CEP250: variants seen among roughly 807,000 people sequenced by gnomAD.
CEP250 encodes the protein centrosomal protein 250.
A neutral mutation model predicts 315.7 loss-of-function variants in CEP250; 242 were observed. That is an observed-to-expected ratio of 0.77 (90% CI 0.69 to 0.85). CEP250 has a LOEUF of 0.85. Ranked by LOEUF, CEP250 falls within the 40% of genes least tolerant of loss-of-function variation. The pLI is 0.00. For synonymous variants in CEP250, 1,088 were observed against 1,175.0 expected (o/e 0.93, Z 1.51); for missense variants, 2,515 against 2,886.4 (o/e 0.87, Z 2.95).
At position 35,516,487 on chromosome 20, in the gene CEP250, T is replaced by C. The variant is rs1255106380; in HGVS notation, c.*4861T>C. 6.6e-6 allele frequency: 1 copy of C among 152,276 alleles called. No individual in the cohort carries two copies. The highest frequency in any genetic ancestry group is 2.4e-5 in the African/African-American group (1 of 41,464). 9.4% of individuals were successfully genotyped at this position (152,276 alleles called of 1,614,324 possible). On this transcript the variant is annotated 3_prime_UTR_variant, in exon 35 of 35. Transcript: ENST00000397527. ...TTGTATGTGGTTTGATGATTCATGC[T>C]GGAGCCTTTGGCTATAACTCTCTTC...
intron 20 of CEP250, among the ~76,000 whole-genome samples, chr20:35,484,618 T>C (rs2063452935): frequency 6.6e-6 from 1 of 152,086 alleles, no homozygotes; most frequent in Admixed American, 6.6e-5. Context: ...ATAGGCATTT[T>C]TTTTTTTCTT....
chr20:35,491,227 G>T lies in CEP250; in HGVS notation c.2770G>T (p.Glu924Ter). 6.2e-7 allele frequency: 1 copy of T among 1,611,488 alleles called. No homozygotes were observed. The highest frequency in any genetic ancestry group is 1.1e-5 in the South Asian group (1 of 90,454). The change falls in exon 22 of 35, where the codon GAG becomes TAG. Residue 924 changes from glutamate (E) to a stop codon, truncating the protein, a stop_gained. Transcript: ENST00000397527. LOFTEE classifies it high-confidence loss of function. The part of the protein sequence containing the change: ...SALCQMQLET[E>*]KERVSLLETL... ...CCCTCCACAGATGCAGCTGGAAACAGAGAAGGAGAGAGTATCCCTCCTGGA... is the reference window on the plus strand; with the variant it reads ...CCCTCCACAGATGCAGCTGGAAACATAGAAGGAGAGAGTATCCCTCCTGGA...
chr20:35,510,497 GA>G (rs1213596154), intron 34 of CEP250, among the ~76,000 whole-genome samples: 2 of 152,216 alleles, frequency 1.3e-5, no homozygotes, highest in African/African-American at 2.4e-5. Flanking sequence ...CACTCGCAGA[GA>G]AGTGACTTGA....
At chr20:35,473,606 A>C (rs1601159738) in intron 13 of CEP250, 54 bp downstream of exon 13, 1 of 1,510,354 alleles carries the variant, frequency 6.6e-7, no homozygotes. Context: ...AGTCTCAGTC[A>C]CCATCCAGCC....
rs980731324 is a variant in CEP250 at position 35,467,455 on chromosome 20, G to C, written c.751G>C (p.Ala251Pro). The change falls in exon 9 of 35, where the codon GCC (alanine) becomes CCC (proline). Residue 251 changes from alanine to proline, a missense_variant. Physicochemically the swap from Ala to Pro is conservative, Grantham distance 27. Coordinates refer to ENST00000397527, the MANE Select transcript of CEP250 (RefSeq NM_007186.6). ...REPAQLLLLL[A>P]KTQELEKEAH... ...GCCGGCCCAGCTGCTGCTGCTACTA[G>C]CCAAGACCCAGGAGCTGGAGAAGGA... The C allele has an allele frequency of 7.4e-6, 12 of 1,614,046 alleles. No individual in the cohort carries two copies. The highest frequency in any genetic ancestry group is 2.7e-5 in the African/African-American group (2 of 74,908).
At position 35,512,051 on chromosome 20, in the gene CEP250, A is replaced by G. The variant is rs1568853225; in HGVS notation, c.*425A>G. 1 of 1,021,800 alleles carries G rather than the reference A, an allele frequency of 9.8e-7. No individual in the cohort carries two copies. Among genetic ancestry groups the G allele is most frequent in the Non-Finnish European group, 1.2e-6 (1 of 853,188 alleles). 63.3% of individuals were successfully genotyped at this position (1,021,800 alleles called of 1,614,324 possible). On this transcript the variant is annotated 3_prime_UTR_variant, in exon 35 of 35. Transcript: ENST00000397527. ...GGAGTTTATCTGGGAAGAACTTGCC[A>G]AAGATTCCTGTTGAGGTAGCATGCA...
chr20:35,496,825 T>C, intron 25 of CEP250, 110 bp downstream of exon 25: 1 of 1,237,524 alleles, frequency 8.1e-7, no homozygotes, highest in African/African-American at 1.5e-5. Flanking sequence ...CTATTTTTCC[T>C]GATTACAGGA....
chr20:35,466,017 CT>C (rs1367051353), intron 6 of CEP250, 21 bp from the exon 7 acceptor site: 10 of 1,613,708 alleles, frequency 6.2e-6, no homozygotes, highest in Non-Finnish European at 8.5e-6. Context: ...TTTGCACCCA[CT>C]TTTACCCCTC....
In CEP250 at chr20:35,496,497, A is replaced by G; in HGVS notation, c.3168-80A>G. 4 of 1,155,162 alleles carry G rather than the reference A, an allele frequency of 3.5e-6. No homozygotes were observed. In the South Asian group the frequency reaches 6.4e-5, roughly 18 times the overall value. The allele number at this position is 1,155,162 out of a possible 1,614,324, so 71.6% of individuals were successfully genotyped here. A position where few individuals can be genotyped will look rare whatever the true frequency, so the allele number is the denominator to read the frequency against. On this transcript the variant is annotated intron_variant, in intron 24 of 34. Coordinates refer to ENST00000397527, the MANE Select transcript of CEP250 (RefSeq NM_007186.6). ...TATTTCTATTTTGATTATTAATGCT[A>G]TGTTTAGAATACTCAGATGAGAAGG...
chr20:35,465,861 G>A (rs775859480), intron 6 of CEP250, 36 bp downstream of exon 6: 6 of 1,574,192 alleles, frequency 3.8e-6, no homozygotes, highest in South Asian at 1.2e-5. Context: ...TGGGTGATTG[G>A]CCAGTTGGTG....
intron 23 of CEP250, among the ~76,000 whole-genome samples, chr20:35,493,894 A>G (rs1417727341): frequency 6.6e-6 from 1 of 152,210 alleles, no homozygotes. Context: ...TCAGAATCCT[A>G]TATCAAATGA....
chr20:35,507,887 C>T (rs1417995976), intron 31 of CEP250, 36 bp downstream of exon 31: 1 of 1,601,010 alleles, frequency 6.2e-7, no homozygotes, highest in East Asian at 2.2e-5. Context: ...GGTGACCCAG[C>T]AGGGAGCTCC....
At position 35,507,720 on chromosome 20, in the gene CEP250, C is replaced by T. The variant is rs1405958391; in HGVS notation, c.6637-18C>T. On this transcript the variant is annotated intron_variant, in intron 30 of 34. Transcript: ENST00000397527. The stretch of plus-strand genomic sequence containing the variant: ...AGGTTGGCAAGGTGTGATTTTGCTC[C>T]ATACCTCCGTACCCTAGGATGAACT... 3.9e-6 allele frequency: 6 copies of T among 1,550,138 alleles called. No homozygotes were observed. Among genetic ancestry groups the T allele is most frequent in the Non-Finnish European group, 5.2e-6 (6 of 1,145,586 alleles).
intron 24 of CEP250, 91 bp downstream of exon 24, chr20:35,494,748 C>G: frequency 6.9e-7 from 1 of 1,459,496 alleles, no homozygotes; most frequent in Non-Finnish European, 9.4e-7. Context: ...GCCACCTTGC[C>G]TTTCATGTCT....
rs1002789491 is a variant in CEP250 at position 35,518,498 on chromosome 20, G to A, written c.*6872G>A. ...TTTCTACCAAAAAGGCAGGATAAATGCTCCCTCAACACACACCTTTAATTA... is the reference window on the plus strand; with the variant it reads ...TTTCTACCAAAAAGGCAGGATAAATACTCCCTCAACACACACCTTTAATTA... On this transcript the variant is annotated 3_prime_UTR_variant, in exon 35 of 35. Transcript: ENST00000397527. The A allele has an allele frequency of 6.6e-6, 1 of 152,140 alleles. No individual in the cohort carries two copies. The highest frequency in any genetic ancestry group is 2.1e-4 in the South Asian group (1 of 4,824). The allele number at this position is 152,140 out of a possible 1,614,324, so 9.4% of individuals were successfully genotyped here.
chr20:35,491,916 A>G, intron 22 of CEP250, among the ~76,000 whole-genome samples: 1 of 151,644 alleles, frequency 6.6e-6, no homozygotes, highest in Admixed American at 6.6e-5. Flanking sequence ...AAAAAAAAAA[A>G]AAGGTGTGGC....
intron 22 of CEP250, among the ~76,000 whole-genome samples, chr20:35,492,654 C>T (rs1388774039): frequency 6.6e-6 from 1 of 152,166 alleles, no homozygotes; most frequent in African/African-American, 2.4e-5. Context: ...GGAGCGGTAG[C>T]CAGAAGCCCT....
Position 35,490,682 on chromosome 20 carries a change from G to A in CEP250, c.2632G>A (p.Glu878Lys), listed in dbSNP as rs765199707. 6.2e-7 allele frequency: 1 copy of A among 1,613,826 alleles called. No homozygotes were observed. The highest frequency in any genetic ancestry group is 1.1e-5 in the South Asian group (1 of 91,056). The change falls in exon 21 of 35, where the codon GAG (glutamate) becomes AAG (lysine). Residue 878 changes from glutamate to lysine, a missense_variant. Glu to Lys is a moderately conservative substitution (Grantham distance 56). Coordinates refer to ENST00000397527, the MANE Select transcript of CEP250 (RefSeq NM_007186.6). ...CCAGCAGGAGCTGGCAAAGGCTCTG[G>A]AGAGCTTAGAAAGGGAAAAAATGGA... ...WHQQELAKAL[E>K]SLEREKMELE...
rs376343130 is a variant in CEP250 at position 35,467,561 on chromosome 20, A to G, written c.851+6A>G. The G allele has an allele frequency of 1.4e-4, 224 of 1,612,476 alleles. No individual in the cohort carries two copies. Among genetic ancestry groups the G allele is most frequent in the Non-Finnish European group, 1.8e-4 (212 of 1,179,402 alleles). Reference sequence around the variant, plus strand: ...AAGGCTGAACTTCAGGACCGGTGAGATGGCCTGGGGTCCCAAGAAGGGTTC... The same window carrying G: ...AAGGCTGAACTTCAGGACCGGTGAGGTGGCCTGGGGTCCCAAGAAGGGTTC... On this transcript the variant is annotated splice_donor_region_variant and intron_variant, in intron 9 of 34. Transcript: ENST00000397527.
Sources: allele counts gnomAD v4.1 joint callset (sites outside exome capture counted in the v4.1 genomes callset), GRCh38; gene constraint gnomAD v4.1.1; transcripts MANE v1.5; gene names NCBI Gene and HGNC (gene_info 2026-07-23, HGNC 2026-07-21).